Variants in SULT6B1 observed in about 807,000 individuals in gnomAD.
SULT6B1 encodes sulfotransferase 6B1.
In SULT6B1, 44 loss-of-function variants were observed where a neutral mutation model predicts 37.2. The ratio of observed to expected loss-of-function variants is 1.18; its 90% CI spans 0.93 to 1.52. The LOEUF is 1.52. Among genes scored for constraint, SULT6B1 ranks in the 40% most tolerant of loss-of-function variants. The pLI, the probability that SULT6B1 is intolerant of heterozygous loss-of-function variation, is 0.00. For missense variants in SULT6B1, 450 were observed against 361.0 expected (o/e 1.25, Z -2.00); for synonymous variants, 140 against 126.0 (o/e 1.11, Z -0.74).
chr2:37,183,827 AG>A (rs1172880649), intron 2 of SULT6B1, among the ~76,000 whole-genome samples: 1 of 152,100 alleles, frequency 6.6e-6, no homozygotes, highest in Non-Finnish European at 1.5e-5. Flanking sequence ...TATTTTTAGT[AG>A]AGACAGGGTT....
At chr2:37,184,152 T>C (rs954163172) in intron 2 of SULT6B1, among the ~76,000 whole-genome samples, 1 of 152,204 alleles carries the variant, frequency 6.6e-6, no homozygotes, top group African/African-American at 2.4e-5. Flanking sequence ...AAATACACAC[T>C]TTCACTTAAT....
intron 3 of SULT6B1, 44 bp from the exon 4 acceptor site, chr2:37,179,628 G>C: frequency 6.4e-7 from 1 of 1,574,202 alleles, no homozygotes; most frequent in Non-Finnish European, 8.7e-7. Flanking sequence ...TCTATGTTTT[G>C]AAATTTGGAA....
Position 37,169,494 on chromosome 2 carries a change from T to G in SULT6B1, c.782-1429A>C, listed in dbSNP as rs375748549. Among the ~76,000 whole-genome samples, 8 of 152,190 alleles carry G rather than the reference T, an allele frequency of 5.3e-5. No homozygotes were observed. In the South Asian group the frequency reaches 1.7e-3, roughly 32 times the overall value. On this transcript the variant is annotated intron_variant, in intron 6 of 6. Coordinates refer to ENST00000535679, the MANE Select transcript of SULT6B1 (RefSeq NM_001367551.1). ...TTTGTTTTTGTTTTCTTGTTTTTGTTTTTGTTTTTGTTTGAGACAGAGTCT... is the reference window on the plus strand; with the variant it reads ...TTTGTTTTTGTTTTCTTGTTTTTGTGTTTGTTTTTGTTTGAGACAGAGTCT...
At chr2:37,171,616 A>G in intron 5 of SULT6B1, 26 bp from the exon 6 acceptor site, 2 of 1,605,970 alleles carry the variant, frequency 1.2e-6, no homozygotes, top group Admixed American at 1.7e-5. Flanking sequence ...CTTAAAGATA[A>G]ATTTCTTCCT....
At chr2:37,171,407 C>G in intron 6 of SULT6B1, 27 bp downstream of exon 6, 1 of 1,604,734 alleles carries the variant, frequency 6.2e-7, no homozygotes, top group South Asian at 1.1e-5. Context: ...TAACTGATAA[C>G]AATCCCAGAA....
At chr2:37,194,135 G>C (rs1676843178) in intron 1 of SULT6B1, among the ~76,000 whole-genome samples, 1 of 151,170 alleles carries the variant, frequency 6.6e-6, no homozygotes, top group African/African-American at 2.4e-5. Flanking sequence ...TGATGTAGTT[G>C]AAGATTCAGT....
chr2:37,190,542 C>A (rs1318858016), upstream of SULT6B1, among the ~76,000 whole-genome samples: 5 of 152,124 alleles, frequency 3.3e-5, no homozygotes, highest in Non-Finnish European at 7.3e-5. Context: ...GCTTTGCTAC[C>A]TTTTGCAGTT....
rs779342548 is a variant in SULT6B1, at chr2:37,167,949, A to G, written c.898T>C (p.Tyr300His). The part of the protein sequence containing the change: ...SLGAKLKYES[Y>H]CQG ...ATTGACTGGAATCAACCCTGGCAAT[A>G]TGATTCATACTTCAACTTTGCTCCG... The change falls in exon 7 of 7, where the codon TAT (tyrosine) becomes CAT (histidine). Residue 300 changes from tyrosine (Y) to histidine (H), a missense_variant. Physicochemically the swap from Tyr to His is moderately conservative, Grantham distance 83. Transcript: ENST00000535679. 2 of 1,592,164 alleles carry G rather than the reference A, an allele frequency of 1.3e-6. No individual in the cohort carries two copies. Among genetic ancestry groups the G allele is most frequent in the Admixed American group, 1.9e-5 (1 of 52,840 alleles).
chr2:37,188,510 G>T lies in SULT6B1; in HGVS notation c.131C>A (p.Thr44Asn). The change falls in exon 1 of 7, where the codon ACT becomes AAT. Residue 44 changes from threonine to asparagine, a missense_variant. Thr to Asn is a moderately conservative substitution (Grantham distance 65). Coordinates refer to ENST00000535679, the MANE Select transcript of SULT6B1 (RefSeq NM_001367551.1). ...PYPITMCTSETFQALDTFEAR... is the reference protein window; with the variant it reads ...PYPITMCTSENFQALDTFEAR... Reference sequence around the variant, plus strand: ...TTCGAAGGTGTCCAGCGCTTGGAAAGTTTCTGAGGTGCACATGGTGATGGG... The same window carrying T: ...TTCGAAGGTGTCCAGCGCTTGGAAATTTTCTGAGGTGCACATGGTGATGGG... 1.2e-6 allele frequency: 2 copies of T among 1,614,204 alleles called. No individual in the cohort carries two copies. The highest frequency in any genetic ancestry group is 1.7e-6 in the Non-Finnish European group (2 of 1,180,014).
chr2:37,184,582 A>G (rs2148296977), intron 2 of SULT6B1, among the ~76,000 whole-genome samples: 1 of 152,322 alleles, frequency 6.6e-6, no homozygotes. Context: ...TGATAAAAGG[A>G]TATTCAGATG....
chr2:37,189,583 G>A (rs1304332007), upstream of SULT6B1, among the ~76,000 whole-genome samples: 1 of 152,170 alleles, frequency 6.6e-6, no homozygotes, highest in Admixed American at 6.5e-5. Flanking sequence ...CCCCAGGGAA[G>A]TAAGCATGTG....
At chr2:37,189,201 T>A (rs1676735343), upstream of SULT6B1, among the ~76,000 whole-genome samples, 1 of 152,212 alleles carries the variant, frequency 6.6e-6, no homozygotes, top group African/African-American at 2.4e-5. Context: ...CATTTACTAG[T>A]TGTGTTACTC....
chr2:37,170,345 T>TA (rs1414400730), intron 6 of SULT6B1, among the ~76,000 whole-genome samples: 2 of 152,114 alleles, frequency 1.3e-5, no homozygotes, highest in African/African-American at 4.8e-5. Flanking sequence ...TGGGTACCTG[T>TA]AATCCCAGCT....
At chr2:37,168,269 T>C (rs1368382541) in intron 6 of SULT6B1, among the ~76,000 whole-genome samples, 2 of 152,086 alleles carry the variant, frequency 1.3e-5, no homozygotes, top group African/African-American at 2.4e-5. Context: ...CAAGCAATTC[T>C]CCCTGCCTTA....
upstream of SULT6B1, among the ~76,000 whole-genome samples, chr2:37,192,941 G>A (rs1231550417): frequency 2.6e-5 from 4 of 152,166 alleles, no homozygotes; most frequent in Non-Finnish European, 5.9e-5. Flanking sequence ...AATGGAGGGA[G>A]GATACCAGCC....
At chr2:37,170,948 G>C (rs1459977854) in intron 6 of SULT6B1, among the ~76,000 whole-genome samples, 1 of 151,920 alleles carries the variant, frequency 6.6e-6, no homozygotes, top group East Asian at 1.9e-4. Context: ...CTAAAAGATG[G>C]TATGGGGCGG....
chr2:37,183,012 C>T (rs924591952), intron 3 of SULT6B1, among the ~76,000 whole-genome samples: 8 of 152,070 alleles, frequency 5.3e-5, no homozygotes, highest in African/African-American at 1.9e-4. Context: ...TAGTGAGATG[C>T]TGTCTCTATA....
At chr2:37,184,179 T>C (rs1254143476) in intron 2 of SULT6B1, among the ~76,000 whole-genome samples, 1 of 152,242 alleles carries the variant, frequency 6.6e-6, no homozygotes, top group Non-Finnish European at 1.5e-5. Flanking sequence ...CTCTTCTGTA[T>C]TCAAGGTCTT....
At chr2:37,182,736 C>T (rs1676583485) in intron 3 of SULT6B1, among the ~76,000 whole-genome samples, 1 of 151,988 alleles carries the variant, frequency 6.6e-6, no homozygotes, top group East Asian at 1.9e-4. Context: ...AGAGAGGAAA[C>T]AGAAAGGGTT....
Sources: gnomAD v4.1 joint callset for allele counts (sites outside exome capture counted in the v4.1 genomes callset) on GRCh38, gnomAD v4.1.1 for gene constraint, MANE v1.5 for transcripts, NCBI Gene and HGNC (gene_info 2026-07-23, HGNC 2026-07-21) for gene names.